The following ABLIM3 variants were observed in gnomAD, a reference collection of about 807,000 sequenced individuals.
The protein encoded by ABLIM3 is actin binding LIM protein family member 3, also known as actin-binding LIM protein 3.
In ABLIM3, 61 loss-of-function variants were observed where a neutral mutation model predicts 109.5. That is an observed-to-expected ratio of 0.56 (90% CI 0.45 to 0.69). The LOEUF (loss-of-function observed/expected upper bound fraction) is 0.69, where lower values mean the gene tolerates loss of function less well. Among genes scored for constraint, ABLIM3 ranks in the 30% least tolerant of loss-of-function variants. The pLI is 0.00. For synonymous variants in ABLIM3, 300 were observed against 324.8 expected (o/e 0.92, Z 0.82); for missense variants, 796 against 889.5 (o/e 0.89, Z 1.34).
rs1164593785 is a variant in ABLIM3 at position 149,141,543 on chromosome 5, C to G, written c.-199C>G. On this transcript the variant is annotated 5_prime_UTR_variant, in exon 1 of 24. Coordinates refer to ENST00000309868, the MANE Select transcript of ABLIM3 (RefSeq NM_014945.5). ...CCCGCATCATGGATGTCGAGCTCCC[C>G]TATTTCGCATTGCTAGCCCTGGAAT... 1 of 153,670 alleles carries G rather than the reference C, an allele frequency of 6.5e-6. No homozygotes were observed. Among genetic ancestry groups the G allele is most frequent in the African/African-American group, 2.4e-5 (1 of 41,452 alleles). 9.5% of individuals were successfully genotyped at this position (153,670 alleles called of 1,614,324 possible).
At chr5:149,153,502 C>T (rs1049160749) in intron 2 of ABLIM3, among the ~76,000 whole-genome samples, 6 of 152,198 alleles carry the variant, frequency 3.9e-5, no homozygotes, top group East Asian at 1.9e-4. Context: ...CTGAGCAGTA[C>T]GGCCTACAGG....
chr5:149,256,926 G>A (rs554865716), intron 23 of ABLIM3, among the ~76,000 whole-genome samples: 5 of 152,246 alleles, frequency 3.3e-5, no homozygotes, highest in African/African-American at 9.6e-5. Context: ...CCTGGACTTC[G>A]GTCCCAGCTC....
chr5:149,153,266 C>G (rs17708733), intron 2 of ABLIM3, among the ~76,000 whole-genome samples: 1 of 152,220 alleles, frequency 6.6e-6, no homozygotes, highest in Non-Finnish European at 1.5e-5. Context: ...TCTACCCAGT[C>G]ATAAGTCAGT....
intron 8 of ABLIM3, among the ~76,000 whole-genome samples, chr5:149,223,575 C>T (rs1760881129): frequency 6.6e-6 from 1 of 152,170 alleles, no homozygotes; most frequent in African/African-American, 2.4e-5. Context: ...CCCGTGAGCA[C>T]CATCAGGTGG....
chr5:149,175,183 A>G (rs1377191451), intron 2 of ABLIM3, among the ~76,000 whole-genome samples: 1 of 152,120 alleles, frequency 6.6e-6, no homozygotes. Flanking sequence ...TACTTTTTAT[A>G]CCACCGTGCA....
At chr5:149,165,131 A>G (rs929191123) in intron 2 of ABLIM3, among the ~76,000 whole-genome samples, 1 of 152,238 alleles carries the variant, frequency 6.6e-6, no homozygotes, top group Non-Finnish European at 1.5e-5. Context: ...TGAATCTCAC[A>G]GTGGGAAGGG....
At chr5:149,194,811 C>G (rs6884526) in intron 3 of ABLIM3, among the ~76,000 whole-genome samples, 2 of 152,036 alleles carry the variant, frequency 1.3e-5, no homozygotes, top group Non-Finnish European at 2.9e-5. Flanking sequence ...TAATTAGGGA[C>G]GGTATGGGAC....
chr5:149,171,605 C>A (rs1409261394), intron 2 of ABLIM3, among the ~76,000 whole-genome samples: 1 of 152,152 alleles, frequency 6.6e-6, no homozygotes, highest in African/African-American at 2.4e-5. Flanking sequence ...CCTGGTAAAA[C>A]ATGGAAATTG....
At chr5:149,232,808 A>G (rs1761987844) in intron 9 of ABLIM3, among the ~76,000 whole-genome samples, 1 of 152,234 alleles carries the variant, frequency 6.6e-6, no homozygotes, top group Non-Finnish European at 1.5e-5. Context: ...TGCAATTAAT[A>G]CACTGTAAAG....
chr5:149,187,945 T>C (rs9654505), intron 3 of ABLIM3, among the ~76,000 whole-genome samples: 59 of 152,316 alleles, frequency 3.9e-4, no homozygotes, highest in African/African-American at 1.3e-3. Context: ...TTCCCCTCCC[T>C]TGTCCAAGTG....
intron 14 of ABLIM3, among the ~76,000 whole-genome samples, chr5:149,242,068 C>T (rs1752907894): frequency 6.6e-6 from 1 of 152,168 alleles, no homozygotes. Flanking sequence ...CCCATCCTGT[C>T]TGTCTTTGAG....
intron 2 of ABLIM3, among the ~76,000 whole-genome samples, chr5:149,143,654 C>G (rs1752684139): frequency 6.6e-6 from 1 of 152,022 alleles, no homozygotes; most frequent in African/African-American, 2.4e-5. Flanking sequence ...CATATCTATG[C>G]TAAGCTAGCG....
intron 2 of ABLIM3, among the ~76,000 whole-genome samples, chr5:149,172,238 G>A (rs987064352): frequency 6.6e-6 from 1 of 152,140 alleles, no homozygotes; most frequent in Non-Finnish European, 1.5e-5. Flanking sequence ...TAATGAAACA[G>A]AATGGAATAA....
intron 2 of ABLIM3, among the ~76,000 whole-genome samples, chr5:149,179,492 A>G (rs1336105035): frequency 1.3e-5 from 2 of 152,182 alleles, no homozygotes; most frequent in Non-Finnish European, 2.9e-5. Context: ...CAAATTCAGG[A>G]TGGGTGAATG....
intron 2 of ABLIM3, among the ~76,000 whole-genome samples, chr5:149,179,337 A>T (rs1461571216): frequency 6.6e-6 from 1 of 152,144 alleles, no homozygotes; most frequent in African/African-American, 2.4e-5. Context: ...GTCTTAAAAA[A>T]TTATACCGAC....
In ABLIM3 at chr5:149,259,765, A is replaced by G. The variant is rs1754749062; in HGVS notation, c.*1361A>G. 1 of 641,162 alleles carries G rather than the reference A, an allele frequency of 1.6e-6. No individual in the cohort carries two copies. The highest frequency in any genetic ancestry group is 2.8e-5 in the East Asian group (1 of 36,192). 39.7% of individuals were successfully genotyped at this position (641,162 alleles called of 1,614,324 possible). ...TCTTGGAGAAGCCTTGAGTCGGACC[A>G]TTTTGAGATCATGGAGGAAGGATGA... On this transcript the variant is annotated 3_prime_UTR_variant, in exon 24 of 24. Coordinates refer to ENST00000309868, the MANE Select transcript of ABLIM3 (RefSeq NM_014945.5).
rs1754710542 is a variant in ABLIM3, at chr5:149,259,327, A to G, written c.*923A>G. ...GTATTCTTTAGCCTTATTACAATCT[A>G]TGTGCCTGACAACTCAACACACCGC... On this transcript the variant is annotated 3_prime_UTR_variant, in exon 24 of 24. Transcript: ENST00000309868. 2.1e-6 allele frequency: 3 copies of G among 1,426,246 alleles called. No homozygotes were observed. Among genetic ancestry groups the G allele is most frequent in the South Asian group, 3.0e-5 (2 of 66,144 alleles). 88.3% of individuals were successfully genotyped at this position (1,426,246 alleles called of 1,614,324 possible). A position where few individuals can be genotyped will look rare whatever the true frequency, so the allele number is the denominator to read the frequency against.
chr5:149,212,307 A>C (rs976591835), intron 7 of ABLIM3, among the ~76,000 whole-genome samples: 1 of 152,182 alleles, frequency 6.6e-6, no homozygotes, highest in African/African-American at 2.4e-5. Flanking sequence ...AGGACAAGGC[A>C]TGAGTCCAGG....
Position 149,258,445 on chromosome 5 carries a change from T to C in ABLIM3, c.*41T>C, listed in dbSNP as rs767338521. The stretch of plus-strand genomic sequence containing the variant: ...ATATATATGCATTTATATAAAGATA[T>C]ATGTAAAATCTCTCTACTGAAGCTC... On this transcript the variant is annotated 3_prime_UTR_variant, in exon 24 of 24. Transcript: ENST00000309868. 9 of 1,578,088 alleles carry C rather than the reference T, an allele frequency of 5.7e-6. No individual in the cohort carries two copies. The Admixed American group carries it at 7.0e-5, about 12-fold the overall frequency.
Sources: allele counts gnomAD v4.1 joint callset (sites outside exome capture counted in the v4.1 genomes callset), GRCh38; gene constraint gnomAD v4.1.1; transcripts MANE v1.5; gene names NCBI Gene and HGNC (gene_info 2026-07-23, HGNC 2026-07-21).